The following MCTP2 variants were observed in gnomAD, a reference collection of about 807,000 sequenced individuals.
MCTP2 encodes the protein multiple C2 and transmembrane domain-containing protein 2.
A neutral mutation model predicts 111.6 loss-of-function variants in MCTP2; 132 were observed. The observed-to-expected ratio is 1.18, with a 90% CI of 1.03 to 1.37. The LOEUF is 1.37. Among genes scored for constraint, MCTP2 ranks in the 40% most tolerant of loss-of-function variants. The probability of loss-of-function intolerance (pLI) is 0.00; values close to 1 mark genes in which losing one functional copy is unlikely to be tolerated. For missense variants in MCTP2, 1,183 were observed against 1,067.9 expected (o/e 1.11, Z -1.50); for synonymous variants, 395 against 387.7 (o/e 1.02, Z -0.22).
At chr15:94,266,636 G>A (rs768322420) in intron 1 of MCTP2, among the ~76,000 whole-genome samples, 6 of 152,280 alleles carry the variant, frequency 3.9e-5, no homozygotes, top group Non-Finnish European at 7.3e-5. Context: ...GTAGTTGGGC[G>A]GTAGGTGAAC....
Position 94,370,190 on chromosome 15 carries a change from AT to A in MCTP2, c.1582+14del. 1 of 1,585,738 alleles carries A rather than the reference AT, an allele frequency of 6.3e-7. No individual in the cohort carries two copies. The highest frequency in any genetic ancestry group is 1.1e-5 in the South Asian group (1 of 87,076). On this transcript the variant is annotated intron_variant, in intron 12 of 22. Transcript: ENST00000357742. ...GCGGCAGATTTCTCAGGTACAGGAC[AT>A]TTTCATTTTCTAATTTATCTTTATT...
chr15:94,281,049 T>C (rs1315748339), intron 1 of MCTP2, among the ~76,000 whole-genome samples: 3 of 152,172 alleles, frequency 2.0e-5, no homozygotes, highest in Non-Finnish European at 4.4e-5. Flanking sequence ...TCTGTTACTG[T>C]TGGTTGGAGT....
chr15:94,351,201 C>T (rs868581479), intron 8 of MCTP2, among the ~76,000 whole-genome samples: 1 of 152,064 alleles, frequency 6.6e-6, no homozygotes, highest in Non-Finnish European at 1.5e-5. Flanking sequence ...TCTTTTTATT[C>T]TCATGCAAGG....
At position 94,482,512 on chromosome 15, in the gene MCTP2, T is replaced by G. The variant is rs1363784085; in HGVS notation, c.*3478T>G. The G allele has an allele frequency of 1.3e-5, 2 of 152,158 alleles. No homozygotes were observed. The highest frequency in any genetic ancestry group is 2.9e-5 in the Non-Finnish European group (2 of 68,028). The allele number at this position is 152,158 out of a possible 1,614,324, so 9.4% of individuals were successfully genotyped here. ...GTTACCTTTCACTAAGGGAGAGAAC[T>G]GTAAGAACTGCTGTGAGAGGACCAC... is the stretch of plus-strand genomic sequence containing the variant. On this transcript the variant is annotated 3_prime_UTR_variant, in exon 23 of 23. Transcript: ENST00000357742.
intron 1 of MCTP2, among the ~76,000 whole-genome samples, chr15:94,245,104 G>A (rs1191140672): frequency 6.7e-6 from 1 of 148,396 alleles, no homozygotes; most frequent in Admixed American, 6.7e-5. Context: ...ATGTACCTAT[G>A]TTTATATATG....
chr15:94,371,548 A>C (rs2079485898), intron 12 of MCTP2, among the ~76,000 whole-genome samples: 1 of 152,000 alleles, frequency 6.6e-6, no homozygotes, highest in Non-Finnish European at 1.5e-5. Flanking sequence ...AGCCCCAAGA[A>C]CTCATTTATG....
intron 1 of MCTP2, among the ~76,000 whole-genome samples, chr15:94,278,946 A>G (rs1301618572): frequency 1.3e-5 from 2 of 152,024 alleles, no homozygotes; most frequent in Admixed American, 1.3e-4. Flanking sequence ...GAAGATCAGC[A>G]GGGTTATATA....
At chr15:94,422,439 C>T (rs1164213238) in intron 17 of MCTP2, among the ~76,000 whole-genome samples, 1 of 152,160 alleles carries the variant, frequency 6.6e-6, no homozygotes, top group Non-Finnish European at 1.5e-5. Context: ...CAAGTAAAAT[C>T]TTGTATTCTC....
At chr15:94,243,727 A>G (rs563053220) in intron 1 of MCTP2, among the ~76,000 whole-genome samples, 6 of 111,660 alleles carry the variant, frequency 5.4e-5, no homozygotes, top group Admixed American at 3.2e-4. Flanking sequence ...ATACACATAC[A>G]TATGTGTATA....
chr15:94,346,114 G>A (rs572665951), intron 8 of MCTP2, among the ~76,000 whole-genome samples: 84 of 152,240 alleles, frequency 5.5e-4, no homozygotes, highest in African/African-American at 1.9e-3. Context: ...ACTGGAGTTT[G>A]GATGCGGATG....
intron 17 of MCTP2, among the ~76,000 whole-genome samples, chr15:94,421,414 T>C (rs111240196): frequency 0.022 from 3,324 of 152,298 alleles, 77 homozygotes; most frequent in Non-Finnish European, 0.034. Context: ...CATAAGTGGC[T>C]TAAGATGACA....
At chr15:94,381,543 A>T (rs2080138258) in intron 12 of MCTP2, among the ~76,000 whole-genome samples, 1 of 152,236 alleles carries the variant, frequency 6.6e-6, no homozygotes, top group African/African-American at 2.4e-5. Context: ...AGGACCAGGC[A>T]GCATCTCTGC....
intron 1 of MCTP2, among the ~76,000 whole-genome samples, chr15:94,245,352 A>T (rs1217357278): frequency 7.5e-6 from 1 of 133,276 alleles, no homozygotes; most frequent in Non-Finnish European, 1.6e-5. Flanking sequence ...ATTTACATAC[A>T]TATGTATATA....
intron 12 of MCTP2, among the ~76,000 whole-genome samples, chr15:94,379,758 T>TA (rs1424517708): frequency 1.2e-4 from 18 of 145,042 alleles, no homozygotes; most frequent in African/African-American, 3.5e-4. Context: ...ATATAATATA[T>TA]ATAATATATG....
At chr15:94,426,103 G>A (rs568021649) in intron 17 of MCTP2, among the ~76,000 whole-genome samples, 28 of 150,628 alleles carry the variant, frequency 1.9e-4, no homozygotes, top group African/African-American at 6.8e-4. Context: ...ATTATTTTCA[G>A]TTTTACTCTG....
chr15:94,446,333 GAACA>G (rs1487668876), intron 19 of MCTP2, among the ~76,000 whole-genome samples: 1 of 152,118 alleles, frequency 6.6e-6, no homozygotes, highest in Non-Finnish European at 1.5e-5. Flanking sequence ...AGAGACTCCA[GAACA>G]AACAGATAAT....
chr15:94,392,498 T>G (rs2081043698), intron 14 of MCTP2, among the ~76,000 whole-genome samples: 1 of 151,902 alleles, frequency 6.6e-6, no homozygotes, highest in Non-Finnish European at 1.5e-5. Context: ...AAATGATATA[T>G]ATTATGTATT....
intron 2 of MCTP2, among the ~76,000 whole-genome samples, chr15:94,310,403 G>T (rs192127674): frequency 5.3e-5 from 8 of 152,224 alleles, no homozygotes; most frequent in Admixed American, 3.3e-4. Flanking sequence ...TGTGGTGGGG[G>T]TTATACAAAT....
At chr15:94,276,066 G>A (rs895808345) in intron 1 of MCTP2, among the ~76,000 whole-genome samples, 17 of 151,988 alleles carry the variant, frequency 1.1e-4, no homozygotes, top group Admixed American at 2.0e-4. Context: ...GGATGGTCTT[G>A]ATCTCCTGAC....
Sources: gnomAD v4.1 joint callset for allele counts (sites outside exome capture counted in the v4.1 genomes callset) on GRCh38, gnomAD v4.1.1 for gene constraint, MANE v1.5 for transcripts, NCBI Gene and HGNC (gene_info 2026-07-23, HGNC 2026-07-21) for gene names.